The following CUL3 variants were observed in gnomAD, a reference collection of about 807,000 sequenced individuals.
The protein encoded by CUL3 is cullin 3.
CUL3 carries 19 observed loss-of-function variants against 89.1 expected under a neutral mutation model. The observed-to-expected ratio is 0.21, with a 90% CI of 0.15 to 0.31. The LOEUF (loss-of-function observed/expected upper bound fraction) is 0.31. Ranked by LOEUF, CUL3 falls within the 10% of genes least tolerant of loss-of-function variation. The pLI is 1.00. For synonymous variants in CUL3, 351 were observed against 308.4 expected, an observed-to-expected ratio of 1.14 and a Z score of -1.45; for missense variants, 469 against 942.3, an observed-to-expected ratio of 0.50 and a Z score of 6.58.
chr2:224,551,557 G>C (rs1370122648), intron 2 of CUL3, among the ~76,000 whole-genome samples: 1 of 149,098 alleles, frequency 6.7e-6, no homozygotes, highest in South Asian at 2.1e-4. Flanking sequence ...TGCTCAGGCT[G>C]GTCTCAAAAC....
intron 7 of CUL3, among the ~76,000 whole-genome samples, 168 bp downstream of exon 7, chr2:224,506,690 C>T (rs532656592): frequency 2.0e-4 from 31 of 152,164 alleles, no homozygotes; most frequent in African/African-American, 6.0e-4. Flanking sequence ...GATATAAATA[C>T]GCACACCTTG....
At chr2:224,474,657 C>T (rs1204634326) in intron 15 of CUL3, among the ~76,000 whole-genome samples, 1 of 152,116 alleles carries the variant, frequency 6.6e-6, no homozygotes, top group Non-Finnish European at 1.5e-5. Context: ...ATAGTTTAAC[C>T]GTTTTGATGC....
chr2:224,503,535 T>C, intron 9 of CUL3, 117 bp downstream of exon 9: 1 of 887,208 alleles, frequency 1.1e-6, no homozygotes, highest in Non-Finnish European at 1.6e-6. Flanking sequence ...AATCTACCTT[T>C]ATTTCTAGAA....
chr2:224,534,829 A>C (rs1197153863), intron 3 of CUL3, among the ~76,000 whole-genome samples: 2 of 151,760 alleles, frequency 1.3e-5, no homozygotes, highest in African/African-American at 2.4e-5. Context: ...AAAAAGAAAA[A>C]TAAAATAAAA....
intron 6 of CUL3, among the ~76,000 whole-genome samples, chr2:224,508,612 A>G (rs1692691887): frequency 6.6e-6 from 1 of 152,204 alleles, no homozygotes; most frequent in Non-Finnish European, 1.5e-5. Context: ...GTAAATGAAA[A>G]TAATTTGGCA....
At chr2:224,562,206 G>A (rs913676048) in intron 1 of CUL3, among the ~76,000 whole-genome samples, 1 of 151,298 alleles carries the variant, frequency 6.6e-6, no homozygotes, top group Admixed American at 6.6e-5. Flanking sequence ...TACATCAAGA[G>A]CTGTTTTACT....
At chr2:224,551,820 C>T (rs1694526934) in intron 2 of CUL3, among the ~76,000 whole-genome samples, 1 of 152,110 alleles carries the variant, frequency 6.6e-6, no homozygotes, top group African/African-American at 2.4e-5. Context: ...AAATATTGTA[C>T]AGCCATTCAC....
chr2:224,518,576 T>G (rs886427603), intron 3 of CUL3, among the ~76,000 whole-genome samples: 1 of 152,196 alleles, frequency 6.6e-6, no homozygotes, highest in Non-Finnish European at 1.5e-5. Flanking sequence ...AAAAAACCTC[T>G]AATAGTAAGA....
At chr2:224,523,154 A>G (rs1382342460) in intron 3 of CUL3, among the ~76,000 whole-genome samples, 2 of 152,226 alleles carry the variant, frequency 1.3e-5, no homozygotes, top group African/African-American at 4.8e-5. Flanking sequence ...GGTTAAGAGC[A>G]CTGATTCAAG....
At chr2:224,537,190 T>C (rs1312830715) in intron 2 of CUL3, among the ~76,000 whole-genome samples, 3 of 152,146 alleles carry the variant, frequency 2.0e-5, no homozygotes, top group Non-Finnish European at 2.9e-5. Context: ...TCAGATCTAA[T>C]ATGAACAAGT....
At chr2:224,514,046 C>T (rs1417824119) in intron 4 of CUL3, among the ~76,000 whole-genome samples, 3 of 151,916 alleles carry the variant, frequency 2.0e-5, no homozygotes, top group East Asian at 1.9e-4. Context: ...GCACCAAAGA[C>T]GAAATAAAAA....
At position 224,500,379 on chromosome 2, in the gene CUL3, A is replaced by C; in HGVS notation, c.1594T>G (p.Phe532Val). ...TTGATTTACCTTCTGAATATCTCAA[A>C]AGCATGTCTTGGTGCTGGTGGGATG... ...CNIPPAPRHA[F>V]EIFRRFYLAK... The change falls in exon 11 of 16, where the codon TTT becomes GTT. Residue 532 changes from phenylalanine (F) to valine (V), a missense_variant. Coordinates refer to ENST00000264414, the MANE Select transcript of CUL3 (RefSeq NM_003590.5). The C allele has an allele frequency of 6.2e-7, 1 of 1,614,070 alleles. No individual in the cohort carries two copies. The highest frequency in any genetic ancestry group is 8.5e-7 in the Non-Finnish European group (1 of 1,179,968).
rs3768897 is a variant in CUL3 at position 224,473,305 on chromosome 2, G to C, written c.*940C>G. ...TATTTAGGGGCAGGGAGGACCTAGGGTATTTATAAACAAAGTATAGACTGT... is the reference window on the plus strand; with the variant it reads ...TATTTAGGGGCAGGGAGGACCTAGGCTATTTATAAACAAAGTATAGACTGT... On this transcript the variant is annotated 3_prime_UTR_variant, in exon 16 of 16. Transcript: ENST00000264414. 2 of 192,496 alleles carry C rather than the reference G, an allele frequency of 1.0e-5. No homozygotes were observed. Among genetic ancestry groups the C allele is most frequent in the Non-Finnish European group, 2.2e-5 (2 of 91,946 alleles). 11.9% of individuals were successfully genotyped at this position (192,496 alleles called of 1,614,324 possible).
At chr2:224,495,511 G>A (rs915065788) in intron 13 of CUL3, 5 of 178,558 alleles carry the variant, frequency 2.8e-5, no homozygotes, top group South Asian at 2.8e-4. Flanking sequence ...GGGGTACAAC[G>A]CAATTTTGGA....
Position 224,506,889 on chromosome 2 carries a change from C to CCTT in CUL3, c.995_997dup (p.Glu332dup), listed in dbSNP as rs1472792526. Reference sequence around the variant, plus strand: ...ATAGTCAACAGGATTCTTTCCTTCTCCTTCTTCAGAAACAAGAGCTTTACC... The same window carrying CCTT: ...ATAGTCAACAGGATTCTTTCCTTCTCCTTCTTCTTCAGAAACAAGAGCTTTACC... On this transcript the variant is annotated inframe_insertion, in exon 7 of 16. Coordinates refer to ENST00000264414, the MANE Select transcript of CUL3 (RefSeq NM_003590.5). 6.2e-7 allele frequency: 1 copy of CCTT among 1,613,466 alleles called. No individual in the cohort carries two copies. The highest frequency in any genetic ancestry group is 1.3e-5 in the African/African-American group (1 of 74,898).
chr2:224,531,237 C>A (rs1693685933), intron 3 of CUL3, among the ~76,000 whole-genome samples: 1 of 151,798 alleles, frequency 6.6e-6, no homozygotes, highest in East Asian at 1.9e-4. Flanking sequence ...TAGGCACGCA[C>A]CACCACACCT....
chr2:224,479,792 C>T (rs1691462504), intron 14 of CUL3: 1 of 152,168 alleles, frequency 6.6e-6, no homozygotes, highest in Admixed American at 6.5e-5. Context: ...TAGTGCTTTT[C>T]ACTTTCTTTG....
At chr2:224,553,830 A>G (rs1176097271) in intron 2 of CUL3, among the ~76,000 whole-genome samples, 1 of 152,220 alleles carries the variant, frequency 6.6e-6, no homozygotes, top group Non-Finnish European at 1.5e-5. Flanking sequence ...CAGAATGGTG[A>G]GAAATATTTG....
chr2:224,583,214 C>T (rs1395015738), intron 1 of CUL3, among the ~76,000 whole-genome samples: 3 of 152,094 alleles, frequency 2.0e-5, no homozygotes, highest in Non-Finnish European at 4.4e-5. Flanking sequence ...CTCGTCTCTA[C>T]TAAAAATACG....
Sources: gnomAD v4.1 joint callset for allele counts (sites outside exome capture counted in the v4.1 genomes callset) on GRCh38, gnomAD v4.1.1 for gene constraint, MANE v1.5 for transcripts, NCBI Gene and HGNC (gene_info 2026-07-23, HGNC 2026-07-21) for gene names.